IQCJ: variants seen among roughly 807,000 people sequenced by gnomAD.
IQCJ encodes the protein IQ motif containing J, also known as IQ domain-containing protein J.
Under a neutral mutation model 11.0 loss-of-function variants are expected in IQCJ, and 9 were observed. The ratio of observed to expected loss-of-function variants is 0.82; its 90% confidence interval spans 0.49 to 1.43. IQCJ has a LOEUF of 1.43. Ranked by LOEUF, IQCJ falls within the 40% of genes most tolerant of loss-of-function variation. The probability of loss-of-function intolerance (pLI) is 0.00; values close to 1 mark genes in which losing one functional copy is unlikely to be tolerated. For missense variants in IQCJ, 146 were observed against 133.2 expected (o/e 1.10, Z -0.47); for synonymous variants, 55 against 51.3 (o/e 1.07, Z -0.31).
intron 1 of IQCJ, among the ~76,000 whole-genome samples, chr3:159,205,322 T>C (rs1251038150): frequency 1.3e-5 from 2 of 152,186 alleles, no homozygotes. Context: ...ATATGGAGCT[T>C]CTGTGTCCTC....
At chr3:159,249,902 TACAC>T (rs10567080) in intron 2 of IQCJ, among the ~76,000 whole-genome samples, 70 of 150,604 alleles carry the variant, frequency 4.6e-4, no homozygotes, top group Middle Eastern at 3.4e-3. Flanking sequence ...TGCATTTGTG[TACAC>T]ACACACACAC....
At position 159,191,112 on chromosome 3, in the gene IQCJ, C is replaced by A. The variant is rs564403085; in HGVS notation, c.10-54731C>A. Reference sequence around the variant, plus strand: ...GTGGGGAAAACGCAACTCCTCCTAGCCTTTACATAGGCCTGAAAATAACAT... The same window carrying A: ...GTGGGGAAAACGCAACTCCTCCTAGACTTTACATAGGCCTGAAAATAACAT... On this transcript the variant is annotated intron_variant, in intron 1 of 3. Transcript: ENST00000397832. Among the ~76,000 whole-genome samples, 7 of 152,294 alleles carry A rather than the reference C, an allele frequency of 4.6e-5. 1 individual carries two copies. In the South Asian group the frequency reaches 1.5e-3, roughly 32 times the overall value.
intron 1 of IQCJ, among the ~76,000 whole-genome samples, chr3:159,180,419 A>G (rs183414497): frequency 6.0e-5 from 9 of 150,502 alleles, no homozygotes; most frequent in Admixed American, 5.2e-4. Context: ...CCTTTTTCTT[A>G]GAAACACTAA....
chr3:159,178,237 G>A (rs1427360036), intron 1 of IQCJ, among the ~76,000 whole-genome samples: 1 of 152,116 alleles, frequency 6.6e-6, no homozygotes, highest in African/African-American at 2.4e-5. Flanking sequence ...GTAAAAGAAT[G>A]GCTTGCTACT....
chr3:159,175,655 G>A (rs1722751733), intron 1 of IQCJ, among the ~76,000 whole-genome samples: 1 of 151,944 alleles, frequency 6.6e-6, no homozygotes, highest in Non-Finnish European at 1.5e-5. Context: ...CATTCAGGTT[G>A]TTTCGTATAT....
intron 1 of IQCJ, among the ~76,000 whole-genome samples, chr3:159,171,331 T>G (rs1269132152): frequency 6.6e-6 from 1 of 152,184 alleles, no homozygotes; most frequent in Non-Finnish European, 1.5e-5. Flanking sequence ...TTAGACATTA[T>G]AGATGGCAGG....
At chr3:159,219,066 A>G (rs535567048) in intron 1 of IQCJ, among the ~76,000 whole-genome samples, 3 of 152,200 alleles carry the variant, frequency 2.0e-5, no homozygotes, top group South Asian at 2.1e-4. Context: ...GGATAATCCA[A>G]TATAATCTCA....
intron 1 of IQCJ, among the ~76,000 whole-genome samples, chr3:159,195,852 C>T (rs532905694): frequency 1.3e-5 from 2 of 152,280 alleles, no homozygotes; most frequent in South Asian, 4.1e-4. Flanking sequence ...GACAAGACAC[C>T]AATAATATCT....
rs1716503649 is a variant in IQCJ, at chr3:159,083,855, GAC to G, written c.9+14416_9+14417del. 1.3e-5 allele frequency among the ~76,000 whole-genome samples: 2 copies of G among 152,056 alleles called. 1 individual carries two copies. The highest frequency in any genetic ancestry group is 1.3e-4 in the Admixed American group (2 of 15,242). ...TCCATTCATATAACATTCTTGGAGTGACAAAATTATATAGATGGGGAACAGAT... is the reference window on the plus strand; with the variant it reads ...TCCATTCATATAACATTCTTGGAGTGAAAATTATATAGATGGGGAACAGAT... On this transcript the variant is annotated intron_variant, in intron 1 of 3. Coordinates refer to ENST00000397832, the MANE Select transcript of IQCJ (RefSeq NM_001042706.3).
intron 1 of IQCJ, among the ~76,000 whole-genome samples, chr3:159,180,749 G>A (rs1023545662): frequency 2.0e-5 from 3 of 151,930 alleles, no homozygotes; most frequent in African/African-American, 4.8e-5. Flanking sequence ...GGGAAATTCA[G>A]AAATGGCAAA....
chr3:159,089,525 G>T (rs1365859410), intron 1 of IQCJ, among the ~76,000 whole-genome samples: 5 of 151,836 alleles, frequency 3.3e-5, no homozygotes, highest in Non-Finnish European at 7.3e-5. Context: ...TTTCCAGCTT[G>T]GTTCCATTCT....
intron 1 of IQCJ, among the ~76,000 whole-genome samples, chr3:159,139,206 A>G (rs1045027403): frequency 6.6e-6 from 1 of 152,090 alleles, no homozygotes; most frequent in Non-Finnish European, 1.5e-5. Context: ...ACATCTGTGC[A>G]TTGACATAGT....
At chr3:159,196,913 G>C (rs1325363772) in intron 1 of IQCJ, among the ~76,000 whole-genome samples, 1 of 152,074 alleles carries the variant, frequency 6.6e-6, no homozygotes, top group Non-Finnish European at 1.5e-5. Context: ...TCCATTGCTT[G>C]AATTTTATGT....
chr3:159,252,826 T>C lies in IQCJ; in HGVS notation c.155+19T>C. Reference sequence around the variant, plus strand: ...TGAAAATGTAAGTTATTTCAAAGTATAAATTAAGCAATTAGTTCTAGTTTT... The same window carrying C: ...TGAAAATGTAAGTTATTTCAAAGTACAAATTAAGCAATTAGTTCTAGTTTT... On this transcript the variant is annotated intron_variant, in intron 3 of 3. Transcript: ENST00000397832. The C allele has an allele frequency of 1.2e-6, 2 of 1,602,036 alleles. No homozygotes were observed. The highest frequency in any genetic ancestry group is 1.7e-6 in the Non-Finnish European group (2 of 1,174,714).
intron 1 of IQCJ, among the ~76,000 whole-genome samples, chr3:159,145,884 C>A (rs562694374): frequency 5.3e-5 from 8 of 152,088 alleles, no homozygotes; most frequent in Non-Finnish European, 7.4e-5. Flanking sequence ...TAACCTGGAA[C>A]AGGATGGAAA....
At chr3:159,080,985 C>T (rs1027339696) in intron 1 of IQCJ, among the ~76,000 whole-genome samples, 3 of 151,992 alleles carry the variant, frequency 2.0e-5, no homozygotes, top group African/African-American at 7.2e-5. Flanking sequence ...TTTTGTAGGC[C>T]AGAAACAGAA....
intron 1 of IQCJ, among the ~76,000 whole-genome samples, chr3:159,123,061 G>A (rs1160165643): frequency 6.6e-6 from 1 of 152,122 alleles, no homozygotes; most frequent in Non-Finnish European, 1.5e-5. Flanking sequence ...TTTCAAAATA[G>A]CAAATTTTAA....
chr3:159,253,142 A>T (rs969877738), intron 3 of IQCJ, among the ~76,000 whole-genome samples: 4 of 152,042 alleles, frequency 2.6e-5, no homozygotes, highest in Admixed American at 2.6e-4. Context: ...CAATTTGGTT[A>T]TTTCCACCTC....
intron 1 of IQCJ, among the ~76,000 whole-genome samples, chr3:159,139,382 G>A (rs1720474614): frequency 6.6e-6 from 1 of 152,188 alleles, no homozygotes; most frequent in African/African-American, 2.4e-5. Flanking sequence ...CCTGTTTGCT[G>A]TGAGACTGTG....
Sources: gnomAD v4.1 joint callset for allele counts (sites outside exome capture counted in the v4.1 genomes callset) on GRCh38, gnomAD v4.1.1 for gene constraint, MANE v1.5 for transcripts, NCBI Gene and HGNC (gene_info 2026-07-23, HGNC 2026-07-21) for gene names.